The following TMTC1 variants were observed in gnomAD, a reference collection of about 807,000 sequenced individuals.
The protein encoded by TMTC1 is transmembrane O-mannosyltransferase targeting cadherins 1.
A neutral mutation model predicts 104.8 loss-of-function variants in TMTC1; 73 were observed. That is an observed-to-expected ratio of 0.70 (90% CI 0.58 to 0.85). The LOEUF is 0.85. TMTC1 is among the 40% of genes least tolerant of loss of function. The probability of loss-of-function intolerance (pLI) is 0.00; values close to 1 mark genes in which losing one functional copy is unlikely to be tolerated. For synonymous variants in TMTC1, 434 were observed against 428.7 expected, an observed-to-expected ratio of 1.01 and a Z score of -0.15; for missense variants, 1,035 against 1,096.1, an observed-to-expected ratio of 0.94 and a Z score of 0.79.
chr12:29,599,439 A>G (rs998010400), intron 7 of TMTC1, among the ~76,000 whole-genome samples: 3 of 152,230 alleles, frequency 2.0e-5, no homozygotes, highest in African/African-American at 7.2e-5. Flanking sequence ...TTATCCACAG[A>G]TTTCAAAGTG....
intron 5 of TMTC1, among the ~76,000 whole-genome samples, chr12:29,640,202 G>T (rs935160135): frequency 6.6e-6 from 1 of 152,158 alleles, no homozygotes; most frequent in Non-Finnish European, 1.5e-5. Flanking sequence ...AGTTCCTCTG[G>T]CTTACAAGGA....
intron 7 of TMTC1, among the ~76,000 whole-genome samples, chr12:29,586,988 T>G (rs1308955368): frequency 2.0e-5 from 3 of 152,306 alleles, no homozygotes; most frequent in East Asian, 1.9e-4. Flanking sequence ...TTCTATTGAT[T>G]GGAATAGTTT....
chr12:29,718,042 A>T (rs302383), intron 5 of TMTC1, among the ~76,000 whole-genome samples: 117,732 of 152,122 alleles, frequency 0.77, 45,671 homozygotes, highest in Middle Eastern at 0.82. Context: ...AAAATAAGTA[A>T]AGGGAGGTAA....
chr12:29,702,645 A>G (rs967133249), intron 5 of TMTC1, among the ~76,000 whole-genome samples: 3 of 152,152 alleles, frequency 2.0e-5, no homozygotes, highest in Non-Finnish European at 1.5e-5. Flanking sequence ...TGCACACTCA[A>G]TGGGAACAGA....
At chr12:29,578,333 T>C (rs1301547204) in intron 8 of TMTC1, among the ~76,000 whole-genome samples, 1 of 152,068 alleles carries the variant, frequency 6.6e-6, no homozygotes, top group Non-Finnish European at 1.5e-5. Flanking sequence ...GAACAGTTTG[T>C]GAAAAAAAGG....
chr12:29,702,703 C>T (rs888171951), intron 5 of TMTC1, among the ~76,000 whole-genome samples: 13 of 152,266 alleles, frequency 8.5e-5, no homozygotes, highest in African/African-American at 3.1e-4. Flanking sequence ...TGGGAGGCAG[C>T]CTTGAGTATG....
intron 5 of TMTC1, among the ~76,000 whole-genome samples, chr12:29,677,913 C>G (rs910643675): frequency 6.6e-6 from 1 of 152,164 alleles, no homozygotes; most frequent in Non-Finnish European, 1.5e-5. Context: ...CTTACTGTAC[C>G]TAATTTATAA....
chr12:29,550,933 CAAAAAAAAAAAAAAAAAAAAAAAAAAAA>C (rs200605964), intron 10 of TMTC1, among the ~76,000 whole-genome samples: 1 of 108,336 alleles, frequency 9.2e-6, no homozygotes, highest in African/African-American at 4.0e-5. Flanking sequence ...GACTCCATCT[CAAAAAAAAAAAAAAAAAAAAAAAAAAAA>C]AAAAAAAAAA....
chr12:29,723,196 T>C (rs1254850281), intron 5 of TMTC1, among the ~76,000 whole-genome samples: 1 of 152,062 alleles, frequency 6.6e-6, no homozygotes, highest in Admixed American at 6.5e-5. Context: ...TTCTTATCCA[T>C]TATAAGAAAA....
chr12:29,784,634 T>TAA (rs1943914654), upstream of TMTC1: 1 of 152,306 alleles, frequency 6.6e-6, no homozygotes, highest in African/African-American at 2.4e-5. Flanking sequence ...GGCCCGCACT[T>TAA]ACAAAAAGTA....
chr12:29,752,532 C>T (rs1943116996), intron 4 of TMTC1, among the ~76,000 whole-genome samples: 1 of 152,138 alleles, frequency 6.6e-6, no homozygotes, highest in Non-Finnish European at 1.5e-5. Context: ...GAAACCTTCA[C>T]GTATTTGCAC....
intron 11 of TMTC1, among the ~76,000 whole-genome samples, chr12:29,521,566 CTTTTT>C (rs3036151): frequency 1.1e-5 from 1 of 89,642 alleles, no homozygotes; most frequent in African/African-American, 3.5e-5. Flanking sequence ...TTCTTTCTTT[CTTTTT>C]TTTTTTTTTT....
intron 5 of TMTC1, among the ~76,000 whole-genome samples, chr12:29,713,414 TG>T (rs1283104055): frequency 6.6e-6 from 1 of 151,908 alleles, no homozygotes; most frequent in Non-Finnish European, 1.5e-5. Flanking sequence ...TCCATCAGTT[TG>T]GAGAACATTT....
At chr12:29,638,758 G>A (rs1178989276) in intron 5 of TMTC1, among the ~76,000 whole-genome samples, 11 of 152,098 alleles carry the variant, frequency 7.2e-5, no homozygotes, top group Non-Finnish European at 1.5e-4. Context: ...GCAGGGCACC[G>A]AAGAATCGAG....
At chr12:29,582,864 G>A (rs1050346815) in intron 8 of TMTC1, among the ~76,000 whole-genome samples, 20 of 152,238 alleles carry the variant, frequency 1.3e-4, no homozygotes, top group African/African-American at 4.8e-4. Context: ...GCAGTGCCAA[G>A]AGAGCCAGGC....
chr12:29,572,046 T>G, intron 9 of TMTC1, 59 bp downstream of exon 9: 1 of 1,358,460 alleles, frequency 7.4e-7, no homozygotes, highest in Admixed American at 1.7e-5. Context: ...GAGGGCCAAG[T>G]GAAATAAACA....
chr12:29,699,790 C>T (rs1941532929), intron 5 of TMTC1, among the ~76,000 whole-genome samples: 1 of 151,538 alleles, frequency 6.6e-6, no homozygotes, highest in Non-Finnish European at 1.5e-5. Flanking sequence ...CAGGCGCACA[C>T]CAACAAGCCC....
intron 5 of TMTC1, among the ~76,000 whole-genome samples, chr12:29,694,175 A>C (rs1941345541): frequency 6.6e-6 from 1 of 152,216 alleles, no homozygotes; most frequent in Admixed American, 6.5e-5. Flanking sequence ...TACTATAACG[A>C]TCCATCCCCG....
intron 5 of TMTC1, among the ~76,000 whole-genome samples, chr12:29,645,467 T>C (rs1310148288): frequency 6.6e-6 from 1 of 152,230 alleles, no homozygotes; most frequent in Non-Finnish European, 1.5e-5. Flanking sequence ...ATCTGAAATG[T>C]CATTGTCTTT....
Sources: gnomAD v4.1 joint callset for allele counts (sites outside exome capture counted in the v4.1 genomes callset) on GRCh38, gnomAD v4.1.1 for gene constraint, MANE v1.5 for transcripts, NCBI Gene and HGNC (gene_info 2026-07-23, HGNC 2026-07-21) for gene names.